CDH23: variants seen among roughly 807,000 people sequenced by gnomAD.
The protein encoded by CDH23 is cadherin-23.
A neutral mutation model predicts 317.1 loss-of-function variants in CDH23; 189 were observed. The observed-to-expected ratio is 0.60, with a 90% CI of 0.53 to 0.67. The LOEUF is 0.67. Ranked by LOEUF, CDH23 falls within the 30% of genes least tolerant of loss-of-function variation. CDH23 has a pLI of 0.00. For synonymous variants in CDH23, 1,839 were observed against 1,876.8 expected, an observed-to-expected ratio of 0.98 and a Z score of 0.52; for missense variants, 4,401 against 4,592.4, an observed-to-expected ratio of 0.96 and a Z score of 1.20.
At chr10:71,694,102 T>A in intron 20 of CDH23, 45 bp from the exon 21 acceptor site, 1,989 of 1,121,782 alleles carry the variant, frequency 1.8e-3, no homozygotes, top group Non-Finnish European at 2.5e-3. Flanking sequence ...CCTCTCTCCC[T>A]GGCCCACCCA....
intron 1 of CDH23, among the ~76,000 whole-genome samples, chr10:71,403,569 T>C (rs1847957422): frequency 6.8e-6 from 1 of 148,062 alleles, no homozygotes; most frequent in Admixed American, 6.8e-5. Context: ...CAACCTGGAG[T>C]GCAGTGGCGC....
At chr10:71,555,448 A>G (rs1177543928) in intron 6 of CDH23, among the ~76,000 whole-genome samples, 2 of 152,144 alleles carry the variant, frequency 1.3e-5, no homozygotes, top group Non-Finnish European at 2.9e-5. Flanking sequence ...ACTGTTATGA[A>G]CTTTGGTGCC....
At chr10:71,773,003 C>A (rs937913888) in intron 38 of CDH23, among the ~76,000 whole-genome samples, 2 of 152,228 alleles carry the variant, frequency 1.3e-5, no homozygotes, top group Admixed American at 1.3e-4. Flanking sequence ...GTGATATCCA[C>A]CAGAACACAC....
At position 71,812,654 on chromosome 10, in the gene CDH23, G is replaced by A. The variant is rs754434071; in HGVS notation, c.9510+45G>A. On this transcript the variant is annotated intron_variant, in intron 67 of 69. Coordinates refer to ENST00000224721, the MANE Select transcript of CDH23 (RefSeq NM_022124.6). ...GCATCACAAGGGGCAGGGGTGGAGGGGCTGGGTCTTTGCAACCTCTGGCCA... is the reference window on the plus strand; with the variant it reads ...GCATCACAAGGGGCAGGGGTGGAGGAGCTGGGTCTTTGCAACCTCTGGCCA... The A allele has an allele frequency of 6.2e-6, 10 of 1,613,038 alleles. No individual in the cohort carries two copies. The Admixed American group carries it at 6.7e-5, about 11-fold the overall frequency.
chr10:71,575,052 G>T (rs889508456), intron 8 of CDH23, among the ~76,000 whole-genome samples: 1 of 152,170 alleles, frequency 6.6e-6, no homozygotes, highest in Non-Finnish European at 1.5e-5. Context: ...GAGAGAGGGG[G>T]AACCTTGCTG....
intron 69 of CDH23, 24 bp from the exon 70 acceptor site, chr10:71,814,928 T>C (rs1336073952): frequency 8.2e-6 from 13 of 1,589,900 alleles, no homozygotes; most frequent in Middle Eastern, 3.3e-4. Flanking sequence ...GCCCTGAGCA[T>C]GTGGGGGTCC....
intron 14 of CDH23, among the ~76,000 whole-genome samples, chr10:71,666,497 T>G (rs1863902402): frequency 6.6e-6 from 1 of 152,156 alleles, no homozygotes; most frequent in Non-Finnish European, 1.5e-5. Flanking sequence ...ACTTCCCCTT[T>G]GCCCATCTAA....
intron 6 of CDH23, among the ~76,000 whole-genome samples, chr10:71,532,974 C>G (rs1589172970): frequency 6.6e-6 from 1 of 152,118 alleles, no homozygotes; most frequent in Admixed American, 6.6e-5. Flanking sequence ...TCAAGTGATC[C>G]ACTCGCCTTG....
intron 18 of CDH23, among the ~76,000 whole-genome samples, chr10:71,685,578 G>A (rs969964295): frequency 6.6e-6 from 1 of 152,248 alleles, no homozygotes; most frequent in Non-Finnish European, 1.5e-5. Flanking sequence ...AAGCCAGGGT[G>A]TGCCCTGGCA....
intron 38 of CDH23, chr10:71,773,428 G>A (rs1414482499): frequency 6.2e-7 from 1 of 1,600,856 alleles, no homozygotes. Context: ...CCAGGGCCGT[G>A]GGGACGCCCA....
chr10:71,486,528 A>G (rs770272561), intron 3 of CDH23, among the ~76,000 whole-genome samples: 1 of 152,104 alleles, frequency 6.6e-6, no homozygotes, highest in Non-Finnish European at 1.5e-5. Context: ...GCTGCAAGTA[A>G]TGTGGCATAA....
At chr10:71,701,896 C>A in intron 22 of CDH23, 126 bp from the exon 23 acceptor site, 1 of 1,013,924 alleles carries the variant, frequency 9.9e-7, no homozygotes, top group Non-Finnish European at 1.5e-6. Flanking sequence ...GGGATGCCCA[C>A]TTCCTGGGCC....
chr10:71,577,967 G>A lies in CDH23; in HGVS notation c.807G>A (p.Arg269=). Reference sequence around the variant, plus strand: ...TAGACCAGGATAAAGGACGTCCCCGGGGCATTGGCTACACCATCGTTTCAG... The same window carrying A: ...TAGACCAGGATAAAGGACGTCCCCGAGGCATTGGCTACACCATCGTTTCAG... The part of the protein sequence containing the change: ...TAIDQDKGRP[R]GIGYTIVSGN... Residue 269 remains arginine, a synonymous_variant, in exon 9 of 70, where the codon CGG becomes CGA. Transcript: ENST00000224721. 1 of 1,603,946 alleles carries A rather than the reference G, an allele frequency of 6.2e-7. No homozygotes were observed. The highest frequency in any genetic ancestry group is 8.5e-7 in the Non-Finnish European group (1 of 1,175,418).
At chr10:71,814,817 G>A in intron 69 of CDH23, 135 bp from the exon 70 acceptor site, 1 of 1,038,624 alleles carries the variant, frequency 9.6e-7, no homozygotes, top group Non-Finnish European at 1.4e-6. Flanking sequence ...CAGGCAGTTT[G>A]AGAAACAGAG....
At chr10:71,647,211 C>A in intron 14 of CDH23, 2 of 512,894 alleles carry the variant, frequency 3.9e-6, no homozygotes, top group Non-Finnish European at 5.0e-6. Context: ...GCCTGTCATC[C>A]AACACCTTGA....
chr10:71,725,855 G>T (rs776115146), intron 30 of CDH23, among the ~76,000 whole-genome samples: 1 of 152,146 alleles, frequency 6.6e-6, no homozygotes, highest in Admixed American at 6.5e-5. Context: ...GATCTTGGAG[G>T]TACAGATGCT....
At position 71,793,560 on chromosome 10, in the gene CDH23, TTG is replaced by T; in HGVS notation, c.6634_6635del (p.Val2212ArgfsTer9). The T allele has an allele frequency of 6.2e-7, 1 of 1,613,094 alleles. No individual in the cohort carries two copies. On this transcript the variant is annotated frameshift_variant, in exon 48 of 70. Transcript: ENST00000224721. LOFTEE classifies it high-confidence loss of function. ...CTCAACCCAAAGCTAGAGTACCACA[TTG>T]TCGGCATTGTGGCCAAGGACGACAC...
At chr10:71,743,663 C>T (rs1473777589) in intron 38 of CDH23, among the ~76,000 whole-genome samples, 6 of 152,152 alleles carry the variant, frequency 3.9e-5, no homozygotes, top group Non-Finnish European at 5.9e-5. Context: ...AGAGGGGTAT[C>T]ATTTATTGTG....
At position 71,738,658 on chromosome 10, in the gene CDH23, G is replaced by T. The variant is rs12242607; in HGVS notation, c.4359+11G>T. The stretch of plus-strand genomic sequence containing the variant: ...GGCAGCAATGGGCAGGTGGGCCACC[G>T]AGTGAAACAGCCAGGATCCACCATG... On this transcript the variant is annotated intron_variant, in intron 35 of 69. Transcript: ENST00000224721. 1.2e-6 allele frequency: 2 copies of T among 1,611,416 alleles called. No individual in the cohort carries two copies. Among genetic ancestry groups the T allele is most frequent in the African/African-American group, 1.3e-5 (1 of 75,018 alleles).
Sources: gnomAD v4.1 joint callset for allele counts (sites outside exome capture counted in the v4.1 genomes callset) on GRCh38, gnomAD v4.1.1 for gene constraint, MANE v1.5 for transcripts, NCBI Gene and HGNC (gene_info 2026-07-23, HGNC 2026-07-21) for gene names.